DLAT: variants seen among roughly 807,000 people sequenced by gnomAD.
DLAT encodes dihydrolipoamide S-acetyltransferase.
In DLAT, 43 loss-of-function variants were observed where a neutral mutation model predicts 68.0. The observed-to-expected ratio is 0.63, with a 90% CI of 0.50 to 0.81. The LOEUF is 0.81. Among genes scored for constraint, DLAT ranks in the 40% least tolerant of loss-of-function variants. The pLI is 0.00. For missense variants in DLAT, 745 were observed against 815.4 expected, an observed-to-expected ratio of 0.91 and a Z score of 1.05; for synonymous variants, 265 against 288.6, an observed-to-expected ratio of 0.92 and a Z score of 0.83.
At chr11:112,045,720 T>C in intron 9 of DLAT, 143 bp from the exon 10 acceptor site, 1 of 620,286 alleles carries the variant, frequency 1.6e-6, no homozygotes, top group Non-Finnish European at 2.8e-6. Context: ...GGTGTTATAT[T>C]ATGGCGGAGT....
intron 4 of DLAT, chr11:112,030,445 C>G (rs1390814439): frequency 3.0e-6 from 1 of 331,742 alleles, no homozygotes; most frequent in East Asian, 7.3e-5. Context: ...CAAGCTGTAT[C>G]ATAGGTGTCA....
intron 9 of DLAT, among the ~76,000 whole-genome samples, 159 bp from the exon 10 acceptor site, chr11:112,045,704 C>A (rs1555181413): frequency 6.6e-6 from 1 of 151,380 alleles, no homozygotes; most frequent in Non-Finnish European, 1.5e-5. Flanking sequence ...AAAAAAAAAT[C>A]TAGGAGGTGT....
intron 4 of DLAT, among the ~76,000 whole-genome samples, chr11:112,032,079 G>A (rs1555180005): frequency 1.3e-5 from 2 of 150,344 alleles, no homozygotes; most frequent in Non-Finnish European, 3.0e-5. Flanking sequence ...AGGGGGTTTC[G>A]ACATGATGGC....
rs587726131 is a variant in DLAT, at chr11:112,048,782, C to T, written c.1399-2452C>T. On this transcript the variant is annotated intron_variant, in intron 10 of 13. Transcript: ENST00000280346. Reference sequence around the variant, plus strand: ...CTCTTGACCTCAAATGATCCACCCACCTTGGCCTCCCAAAGTGCTGGAATT... The same window carrying T: ...CTCTTGACCTCAAATGATCCACCCATCTTGGCCTCCCAAAGTGCTGGAATT... Among the ~76,000 whole-genome samples the T allele has an allele frequency of 2.6e-5, 4 of 152,160 alleles. No homozygotes were observed. In the East Asian group the frequency reaches 7.7e-4, roughly 29 times the overall value.
At chr11:112,060,624 TTG>T (rs1160362957) in intron 12 of DLAT, among the ~76,000 whole-genome samples, 2 of 151,586 alleles carry the variant, frequency 1.3e-5, no homozygotes, top group South Asian at 2.1e-4. Flanking sequence ...CTGACTAATT[TTG>T]TGTGTGTGTG....
At chr11:112,043,404 G>A (rs1379945665) in intron 7 of DLAT, 62 bp from the exon 8 acceptor site, 22 of 1,479,160 alleles carry the variant, frequency 1.5e-5, no homozygotes, top group Admixed American at 5.0e-5. Context: ...GGATCACAGC[G>A]TTGATCTCCT....
rs1423778493 is a variant in DLAT at position 112,036,199 on chromosome 11, GTGTTTTTTTTTTT to G, written c.788-1072_788-1060del. Reference sequence around the variant, plus strand: ...TGTGTGTGTGTGTGTGTGTGTGTGTGTGTTTTTTTTTTTTTTTTTTTTTTTTTTTTTGAGACGG... The same window carrying G: ...TGTGTGTGTGTGTGTGTGTGTGTGTGTTTTTTTTTTTTTTTTTTGAGACGG... On this transcript the variant is annotated intron_variant, in intron 5 of 13. Transcript: ENST00000280346. 3.6e-3 allele frequency among the ~76,000 whole-genome samples: 188 copies of G among 51,800 alleles called. 2 individuals carry two copies. The East Asian group carries it at 0.066, about 18-fold the overall frequency. 34.0% of individuals were successfully genotyped at this position (51,800 alleles called of 152,430 possible). A position where few individuals can be genotyped will look rare whatever the true frequency, so the allele number is the denominator to read the frequency against.
intron 7 of DLAT, among the ~76,000 whole-genome samples, chr11:112,039,669 T>G (rs781912003): frequency 2.0e-5 from 3 of 152,156 alleles, no homozygotes; most frequent in Non-Finnish European, 4.4e-5. Flanking sequence ...ACTGCTTGTT[T>G]GGTGAAAGTA....
intron 11 of DLAT, among the ~76,000 whole-genome samples, chr11:112,057,206 G>A (rs1200592842): frequency 5.3e-5 from 8 of 152,280 alleles, no homozygotes; most frequent in African/African-American, 1.7e-4. Flanking sequence ...TCAACCAGCT[G>A]TTCCTCTGTC....
chr11:112,059,800 G>A (rs1235111748), intron 11 of DLAT, 103 bp from the exon 12 acceptor site: 1 of 1,009,998 alleles, frequency 9.9e-7, no homozygotes, highest in African/African-American at 1.6e-5. Flanking sequence ...AACACACATT[G>A]GTTCAAAAAA....
At chr11:112,047,214 C>T (rs1555181571) in intron 10 of DLAT, among the ~76,000 whole-genome samples, 1 of 152,116 alleles carries the variant, frequency 6.6e-6, no homozygotes, top group South Asian at 2.1e-4. Context: ...CTTTAATGAC[C>T]AGTGATGATG....
chr11:112,054,875 A>G (rs926022233), intron 11 of DLAT, among the ~76,000 whole-genome samples: 2 of 152,166 alleles, frequency 1.3e-5, no homozygotes, highest in East Asian at 1.9e-4. Flanking sequence ...TTGTGATTGC[A>G]TAACTCCAGT....
chr11:112,046,926 CAT>C (rs1377903347), intron 10 of DLAT, among the ~76,000 whole-genome samples: 2 of 152,166 alleles, frequency 1.3e-5, no homozygotes, highest in African/African-American at 4.8e-5. Flanking sequence ...CTGCAGTAAA[CAT>C]ATGTGTGCAT....
In DLAT at chr11:112,037,253, GT is replaced by G; in HGVS notation, c.788-14del. 6.2e-7 allele frequency: 1 copy of G among 1,610,788 alleles called. No homozygotes were observed. Among genetic ancestry groups the G allele is most frequent in the South Asian group, 1.1e-5 (1 of 90,984 alleles). ...AGTGGAATCTCTTAAGTCCCATAATGTTTTTTCTTTCTATTTAAGGTTTTGA... is the reference window on the plus strand; with the variant it reads ...AGTGGAATCTCTTAAGTCCCATAATGTTTTTCTTTCTATTTAAGGTTTTGA... On this transcript the variant is annotated intron_variant, in intron 5 of 13. Transcript: ENST00000280346.
chr11:112,039,414 A>T lies in DLAT; in HGVS notation c.1129+17A>T. 1.2e-6 allele frequency: 2 copies of T among 1,613,520 alleles called. No individual in the cohort carries two copies. The highest frequency in any genetic ancestry group is 1.7e-6 in the Non-Finnish European group (2 of 1,179,538). The stretch of plus-strand genomic sequence containing the variant: ...AAGTAAAAGGTAAATCTGTTTCTAT[A>T]GAATGGACTTTATAAAGTTAAAATT... On this transcript the variant is annotated intron_variant, in intron 7 of 13. Transcript: ENST00000280346.
In DLAT at chr11:112,062,656, TC is replaced by T; in HGVS notation, c.*123del. 1 of 1,182,336 alleles carries T rather than the reference TC, an allele frequency of 8.5e-7. No homozygotes were observed. The highest frequency in any genetic ancestry group is 1.2e-6 in the Non-Finnish European group (1 of 831,880). The allele number at this position is 1,182,336 out of a possible 1,614,324, so 73.2% of individuals were successfully genotyped here. Reference sequence around the variant, plus strand: ...CCAGTTATTTTTATTATTGAGTCTGTCCAGATAAGTTATTTATAATGGGCAT... The same window carrying T: ...CCAGTTATTTTTATTATTGAGTCTGTCAGATAAGTTATTTATAATGGGCAT... On this transcript the variant is annotated 3_prime_UTR_variant, in exon 14 of 14. Transcript: ENST00000280346.
chr11:112,042,815 A>G (rs1454729511), intron 7 of DLAT, among the ~76,000 whole-genome samples: 1 of 152,162 alleles, frequency 6.6e-6, no homozygotes, highest in Non-Finnish European at 1.5e-5. Context: ...AACACGGGCC[A>G]GTTTAGAGCC....
chr11:112,038,339 CA>C (rs1310568019), intron 6 of DLAT, among the ~76,000 whole-genome samples: 2 of 151,786 alleles, frequency 1.3e-5, no homozygotes, highest in African/African-American at 4.8e-5. Context: ...GCTGGGATTA[CA>C]GGTGTTAGCC....
intron 2 of DLAT, among the ~76,000 whole-genome samples, chr11:112,027,875 CAGAGGGAGACCGTGGAAAGAGAGGG>C (rs1390523824): frequency 1.3e-4 from 20 of 151,098 alleles, no homozygotes; most frequent in South Asian, 4.2e-4. Flanking sequence ...GGCTCAGCAT[CAGAGGGAGACCGTGGAAAGAGAGGG>C]AGAGGGAGAC....
Sources: allele counts gnomAD v4.1 joint callset (sites outside exome capture counted in the v4.1 genomes callset), GRCh38; gene constraint gnomAD v4.1.1; transcripts MANE v1.5; gene names NCBI Gene and HGNC (gene_info 2026-07-23, HGNC 2026-07-21).